Variants in FOXP1 observed in about 807,000 individuals in gnomAD.
FOXP1 encodes the protein forkhead box protein P1.
A neutral mutation model predicts 98.2 loss-of-function variants in FOXP1; 15 were observed. The ratio of observed to expected loss-of-function variants is 0.15; its 90% CI spans 0.10 to 0.24. The LOEUF is 0.24. FOXP1 is among the 10% of genes least tolerant of loss of function. The pLI, the probability that FOXP1 is intolerant of heterozygous loss-of-function variation, is 1.00. For synonymous variants in FOXP1, 371 were observed against 314.5 expected (o/e 1.18, Z -1.90); for missense variants, 633 against 848.5 (o/e 0.75, Z 3.15).
At chr3:71,032,866 T>C (rs1175182952) in intron 11 of FOXP1, among the ~76,000 whole-genome samples, 1 of 152,164 alleles carries the variant, frequency 6.6e-6, no homozygotes, top group Non-Finnish European at 1.5e-5. Flanking sequence ...TCCAAGCCCC[T>C]TTTCCTCTCA....
intron 3 of FOXP1, among the ~76,000 whole-genome samples, chr3:71,389,262 G>GGGGGGT (rs2080856871): frequency 1.3e-5 from 1 of 75,636 alleles, no homozygotes; most frequent in Non-Finnish European, 2.8e-5. Flanking sequence ...GCCGGGGGGG[G>GGGGGGT]CGGGTTATAA....
intron 6 of FOXP1, among the ~76,000 whole-genome samples, chr3:71,180,681 T>G (rs1037363617): frequency 2.6e-5 from 4 of 152,142 alleles, no homozygotes; most frequent in Admixed American, 6.5e-5. Flanking sequence ...CCCTCCACCC[T>G]TCCTTTTTTA....
chr3:71,582,219 AG>A (rs1265034590), intron 1 of FOXP1: 3 of 957,900 alleles, frequency 3.1e-6, no homozygotes, highest in South Asian at 4.9e-5. Flanking sequence ...ACAGGTGGGG[AG>A]GGGGGCTCGT....
chr3:71,048,951 T>G (rs1410748007), intron 9 of FOXP1, among the ~76,000 whole-genome samples: 1 of 152,180 alleles, frequency 6.6e-6, no homozygotes, highest in Non-Finnish European at 1.5e-5. Context: ...GAAAGCTGTC[T>G]ACGTTTGAAA....
intron 3 of FOXP1, among the ~76,000 whole-genome samples, chr3:71,363,931 A>G (rs1367824526): frequency 1.3e-5 from 2 of 152,130 alleles, no homozygotes. Flanking sequence ...GAGAATGCCT[A>G]GTTCCTGGAG....
At chr3:71,087,487 C>A (rs1213935301) in intron 7 of FOXP1, among the ~76,000 whole-genome samples, 6 of 152,200 alleles carry the variant, frequency 3.9e-5, no homozygotes, top group African/African-American at 1.2e-4. Flanking sequence ...CATTCCTTGT[C>A]AGTGCATCAC....
intron 2 of FOXP1, among the ~76,000 whole-genome samples, chr3:71,518,585 T>C (rs986227119): frequency 3.3e-5 from 5 of 152,176 alleles, no homozygotes; most frequent in Admixed American, 2.6e-4. Flanking sequence ...CAATTTTACT[T>C]ACATGACCCT....
chr3:71,233,414 GTTT>G (rs909255821), intron 5 of FOXP1, among the ~76,000 whole-genome samples: 1 of 150,778 alleles, frequency 6.6e-6, no homozygotes, highest in Non-Finnish European at 1.5e-5. Flanking sequence ...AGCTGCTATA[GTTT>G]TTTTTTGTTT....
intron 3 of FOXP1, among the ~76,000 whole-genome samples, chr3:71,407,107 C>T (rs1302549002): frequency 1.3e-5 from 2 of 152,112 alleles, no homozygotes; most frequent in Non-Finnish European, 2.9e-5. Context: ...ACAGCAACTC[C>T]ACTCTGTTTC....
chr3:71,257,757 T>C (rs1455882959), intron 5 of FOXP1, among the ~76,000 whole-genome samples: 2 of 152,140 alleles, frequency 1.3e-5, no homozygotes, highest in Non-Finnish European at 1.5e-5. Flanking sequence ...AATGTATTTC[T>C]CAGGCATTGT....
chr3:71,529,970 T>C (rs2043701259), intron 2 of FOXP1, among the ~76,000 whole-genome samples: 1 of 152,154 alleles, frequency 6.6e-6, no homozygotes. Flanking sequence ...GTCAGAAGCA[T>C]AGGTGACAAC....
intron 3 of FOXP1, among the ~76,000 whole-genome samples, chr3:71,445,835 C>T (rs948126643): frequency 8.6e-5 from 13 of 151,822 alleles, no homozygotes; most frequent in Middle Eastern, 3.2e-3. Flanking sequence ...ATTACAGGCA[C>T]GTGACCCAAC....
intron 18 of FOXP1, chr3:70,972,350 T>A: frequency 1.1e-6 from 1 of 879,058 alleles, no homozygotes; most frequent in Admixed American, 2.2e-5. Flanking sequence ...GCTACTAGCA[T>A]GTGATGCAAC....
intron 2 of FOXP1, among the ~76,000 whole-genome samples, chr3:71,537,926 T>C (rs576098642): frequency 6.6e-6 from 1 of 152,322 alleles, no homozygotes; most frequent in South Asian, 2.1e-4. Context: ...TCGGTATTCA[T>C]AAATAAAGTT....
chr3:71,283,530 G>A (rs2071787560), intron 5 of FOXP1, among the ~76,000 whole-genome samples: 1 of 152,150 alleles, frequency 6.6e-6, no homozygotes, highest in African/African-American at 2.4e-5. Flanking sequence ...CATGTGACAG[G>A]GAGACTCCTG....
intron 3 of FOXP1, among the ~76,000 whole-genome samples, chr3:71,419,784 C>A (rs562360520): frequency 6.6e-6 from 1 of 152,132 alleles, no homozygotes; most frequent in South Asian, 2.1e-4. Context: ...TATGCACACA[C>A]ACACATTTTA....
intron 7 of FOXP1, among the ~76,000 whole-genome samples, chr3:71,094,341 G>A (rs1438579876): frequency 1.0e-4 from 15 of 146,880 alleles, no homozygotes; most frequent in African/African-American, 2.0e-4. Context: ...GTGCAGTGGC[G>A]TGATCTCAGC....
chr3:71,060,728 T>C (rs2051359436), intron 7 of FOXP1, among the ~76,000 whole-genome samples: 2 of 152,164 alleles, frequency 1.3e-5, no homozygotes, highest in Non-Finnish European at 2.9e-5. Flanking sequence ...GCCGACCTTT[T>C]TGATGTTGTT....
chr3:70,965,789 C>A, intron 20 of FOXP1, 101 bp downstream of exon 20: 2 of 1,208,360 alleles, frequency 1.7e-6, no homozygotes, highest in Non-Finnish European at 2.5e-6. Context: ...TCAGAAATTA[C>A]AGAAAAGGTA....
Sources: gnomAD v4.1 joint callset for allele counts (sites outside exome capture counted in the v4.1 genomes callset) on GRCh38, gnomAD v4.1.1 for gene constraint, MANE v1.5 for transcripts, NCBI Gene and HGNC (gene_info 2026-07-23, HGNC 2026-07-21) for gene names.